The following RYR3 variants were observed in gnomAD, a reference collection of about 807,000 sequenced individuals.
RYR3 encodes the protein ryanodine receptor 3.
Under a neutral mutation model 584.3 loss-of-function variants are expected in RYR3, and 207 were observed. The ratio of observed to expected loss-of-function variants is 0.35; its 90% CI spans 0.32 to 0.40. RYR3 has a LOEUF of 0.40. Among genes scored for constraint, RYR3 ranks in the 10% least tolerant of loss-of-function variants. The probability of loss-of-function intolerance (pLI) is 1.00; values close to 1 mark genes in which losing one functional copy is unlikely to be tolerated. For missense variants in RYR3, 5,616 were observed against 6,089.2 expected (o/e 0.92, Z 2.59); for synonymous variants, 2,416 against 2,248.5 (o/e 1.07, Z -2.11).
chr15:33,357,892 T>TA (rs1387655055), intron 1 of RYR3, among the ~76,000 whole-genome samples: 1 of 152,162 alleles, frequency 6.6e-6, no homozygotes, highest in Admixed American at 6.5e-5. Flanking sequence ...ATGGCAAACT[T>TA]ACGTTGGATC....
intron 1 of RYR3, among the ~76,000 whole-genome samples, chr15:33,352,495 A>C (rs1184203693): frequency 6.6e-6 from 1 of 151,924 alleles, no homozygotes; most frequent in Non-Finnish European, 1.5e-5. Context: ...AGCCCACCAC[A>C]CTCTGGAGTC....
At chr15:33,658,113 A>G (rs549986565) in intron 32 of RYR3, among the ~76,000 whole-genome samples, 1 of 152,376 alleles carries the variant, frequency 6.6e-6, no homozygotes, top group South Asian at 2.1e-4. Context: ...TCTATGGATC[A>G]GGAGTCTGGC....
At chr15:33,727,422 G>A (rs2068558611) in intron 46 of RYR3, among the ~76,000 whole-genome samples, 1 of 152,116 alleles carries the variant, frequency 6.6e-6, no homozygotes, top group Admixed American at 6.6e-5. Flanking sequence ...TAAGGGACCC[G>A]GGGTCAAATA....
intron 87 of RYR3, 61 bp downstream of exon 87, chr15:33,835,133 C>G: frequency 1.6e-6 from 2 of 1,236,852 alleles, no homozygotes; most frequent in East Asian, 2.4e-5. Flanking sequence ...GTCCTCACTC[C>G]TTGGTGTTCC....
At chr15:33,648,033 AC>A (rs1209065638) in intron 30 of RYR3, among the ~76,000 whole-genome samples, 1 of 148,562 alleles carries the variant, frequency 6.7e-6, no homozygotes, top group Non-Finnish European at 1.5e-5. Flanking sequence ...ATGTGTGTCA[AC>A]CCTTCTGTAA....
chr15:33,458,326 C>T (rs139818195), intron 1 of RYR3, among the ~76,000 whole-genome samples: 1 of 152,154 alleles, frequency 6.6e-6, no homozygotes, highest in African/African-American at 2.4e-5. Flanking sequence ...TTCTCCCACT[C>T]TCTGTGTCTT....
chr15:33,464,471 T>TAG (rs1406247072), intron 1 of RYR3, among the ~76,000 whole-genome samples: 2 of 77,402 alleles, frequency 2.6e-5, no homozygotes, highest in African/African-American at 1.7e-4. Flanking sequence ...GAGATATATA[T>TAG]ATATATATAT....
intron 24 of RYR3, among the ~76,000 whole-genome samples, chr15:33,633,794 G>C (rs1000410588): frequency 6.6e-6 from 1 of 152,210 alleles, no homozygotes; most frequent in Admixed American, 6.5e-5. Flanking sequence ...AAGGAACCGA[G>C]AGGGACATTA....
chr15:33,450,603 CT>C (rs113136250), intron 1 of RYR3, among the ~76,000 whole-genome samples: 2,427 of 140,138 alleles, frequency 0.017, 30 homozygotes, highest in African/African-American at 0.045. Context: ...TTTGAGGGTT[CT>C]TTTTTTTTTT....
At chr15:33,428,441 T>C (rs1196389534) in intron 1 of RYR3, among the ~76,000 whole-genome samples, 1 of 152,236 alleles carries the variant, frequency 6.6e-6, no homozygotes, top group African/African-American at 2.4e-5. Flanking sequence ...TTAATAATCC[T>C]CACCCAGATA....
At chr15:33,374,374 G>GTC (rs1366062424) in intron 1 of RYR3, among the ~76,000 whole-genome samples, 1 of 151,142 alleles carries the variant, frequency 6.6e-6, no homozygotes, top group Non-Finnish European at 1.5e-5. Context: ...ATGTGTGTGT[G>GTC]TGTGTGTGTG....
chr15:33,745,337 C>G, intron 52 of RYR3, among the ~76,000 whole-genome samples: 1 of 151,904 alleles, frequency 6.6e-6, no homozygotes, highest in South Asian at 2.1e-4. Flanking sequence ...CTAGCCTCTT[C>G]TCGGTGGTAA....
intron 1 of RYR3, among the ~76,000 whole-genome samples, chr15:33,346,757 T>C (rs182496142): frequency 6.6e-6 from 1 of 152,310 alleles, no homozygotes. Context: ...TCCAGCATAA[T>C]CGTGCTTGCT....
At chr15:33,566,064 G>A (rs539605036) in intron 11 of RYR3, among the ~76,000 whole-genome samples, 10 of 152,270 alleles carry the variant, frequency 6.6e-5, no homozygotes, top group African/African-American at 1.4e-4. Context: ...ACTTGCCCAA[G>A]GTCACACGGC....
intron 63 of RYR3, among the ~76,000 whole-genome samples, chr15:33,773,323 T>A (rs3829480): frequency 6.6e-6 from 1 of 151,982 alleles, no homozygotes; most frequent in African/African-American, 2.4e-5. Context: ...GAACTGGGAT[T>A]GCTCAGTGGA....
At chr15:33,775,868 C>T (rs2073962941) in intron 64 of RYR3, among the ~76,000 whole-genome samples, 1 of 152,174 alleles carries the variant, frequency 6.6e-6, no homozygotes, top group African/African-American at 2.4e-5. Flanking sequence ...CTTAAAACCC[C>T]TATATTCACT....
At chr15:33,432,150 T>C (rs879673516) in intron 1 of RYR3, among the ~76,000 whole-genome samples, 5 of 152,178 alleles carry the variant, frequency 3.3e-5, no homozygotes, top group Non-Finnish European at 5.9e-5. Flanking sequence ...GTTCCCCTCA[T>C]GGCTGAATAG....
intron 42 of RYR3, among the ~76,000 whole-genome samples, chr15:33,706,504 C>T (rs1053276957): frequency 1.3e-5 from 2 of 152,162 alleles, no homozygotes; most frequent in Non-Finnish European, 2.9e-5. Flanking sequence ...CTTTTTGTGA[C>T]TGGCTTATTT....
At chr15:33,360,730 C>T (rs768338494) in intron 1 of RYR3, among the ~76,000 whole-genome samples, 5 of 152,212 alleles carry the variant, frequency 3.3e-5, no homozygotes, top group Non-Finnish European at 7.3e-5. Flanking sequence ...AACACACAGC[C>T]AGTGTGTTGG....
Sources: gnomAD v4.1 joint callset for allele counts (sites outside exome capture counted in the v4.1 genomes callset) on GRCh38, gnomAD v4.1.1 for gene constraint, MANE v1.5 for transcripts, NCBI Gene and HGNC (gene_info 2026-07-23, HGNC 2026-07-21) for gene names.